The following SND1 variants were observed in gnomAD, a reference collection of about 807,000 sequenced individuals.
The protein encoded by SND1 is staphylococcal nuclease domain-containing protein 1.
In SND1, 38 loss-of-function variants were observed where a neutral mutation model predicts 121.7. The ratio of observed to expected loss-of-function variants is 0.31; its 90% confidence interval spans 0.24 to 0.41. The LOEUF (loss-of-function observed/expected upper bound fraction) is 0.41, where lower values mean the gene tolerates loss of function less well. SND1 is among the 10% of genes least tolerant of loss of function. The probability of loss-of-function intolerance (pLI) is 1.00; values close to 1 mark genes in which losing one functional copy is unlikely to be tolerated. For synonymous variants in SND1, 401 were observed against 447.4 expected (o/e 0.90, Z 1.31); for missense variants, 868 against 1,184.6 (o/e 0.73, Z 3.92).
intron 22 of SND1, among the ~76,000 whole-genome samples, chr7:128,090,518 C>A (rs891901649): frequency 3.3e-5 from 5 of 152,236 alleles, no homozygotes; most frequent in Admixed American, 6.5e-5. Context: ...GGGCCCCCGA[C>A]AGAGCTGCCG....
chr7:127,870,722 A>G (rs1358732645), intron 12 of SND1, among the ~76,000 whole-genome samples: 1 of 152,196 alleles, frequency 6.6e-6, no homozygotes, highest in Admixed American at 6.5e-5. Context: ...TTGATGAAAT[A>G]GGAAGTGAAT....
chr7:127,754,472 G>A (rs1797158808), intron 10 of SND1, among the ~76,000 whole-genome samples: 1 of 152,196 alleles, frequency 6.6e-6, no homozygotes, highest in Non-Finnish European at 1.5e-5. Flanking sequence ...TAATAGGTAG[G>A]CTGTGGTTCT....
intron 16 of SND1, among the ~76,000 whole-genome samples, chr7:128,040,978 C>T (rs1357765906): frequency 6.6e-6 from 1 of 152,316 alleles, no homozygotes; most frequent in South Asian, 2.1e-4. Flanking sequence ...GGCCTAGTAA[C>T]GTGAGTTCCT....
intron 10 of SND1, among the ~76,000 whole-genome samples, chr7:127,781,756 G>C (rs1978495): frequency 6.6e-6 from 1 of 151,888 alleles, no homozygotes; most frequent in Non-Finnish European, 1.5e-5. Context: ...AATAATTAAA[G>C]TAAAAGCAAT....
intron 10 of SND1, among the ~76,000 whole-genome samples, chr7:127,735,086 C>T (rs1321621834): frequency 6.6e-6 from 1 of 152,130 alleles, no homozygotes; most frequent in Non-Finnish European, 1.5e-5. Context: ...AGGTGCTGGG[C>T]ATGCACTATT....
At chr7:127,806,848 A>T (rs1432243225) in intron 10 of SND1, among the ~76,000 whole-genome samples, 1 of 152,162 alleles carries the variant, frequency 6.6e-6, no homozygotes, top group Non-Finnish European at 1.5e-5. Flanking sequence ...AATCCCAGCT[A>T]CTGTGGAGGC....
At chr7:127,667,212 T>C (rs1795433752) in intron 1 of SND1, among the ~76,000 whole-genome samples, 1 of 152,200 alleles carries the variant, frequency 6.6e-6, no homozygotes, top group South Asian at 2.1e-4. Context: ...GATGATTCAC[T>C]CTGAGTAATA....
chr7:128,075,224 G>C (rs1429750332), intron 17 of SND1, among the ~76,000 whole-genome samples: 1 of 152,216 alleles, frequency 6.6e-6, no homozygotes, highest in Non-Finnish European at 1.5e-5. Flanking sequence ...AGTGGCTTTT[G>C]GAAACCAATT....
At chr7:127,990,817 G>A (rs1393882121) in intron 15 of SND1, 130 bp from the exon 16 acceptor site, 11 of 635,752 alleles carry the variant, frequency 1.7e-5, no homozygotes, top group South Asian at 3.9e-5. Context: ...CTCTGTCTTC[G>A]TCTCAGATAG....
chr7:127,658,914 T>C (rs1017524922), intron 1 of SND1, among the ~76,000 whole-genome samples: 4 of 152,236 alleles, frequency 2.6e-5, no homozygotes, highest in Non-Finnish European at 5.9e-5. Flanking sequence ...GTCCACTCAC[T>C]TCTCAGCATA....
intron 16 of SND1, among the ~76,000 whole-genome samples, chr7:128,043,123 T>G (rs532429431): frequency 6.6e-6 from 1 of 152,272 alleles, no homozygotes; most frequent in African/African-American, 2.4e-5. Flanking sequence ...AGGCCACATC[T>G]CTTTGTGAGA....
chr7:127,687,939 C>T (rs1186472565), intron 2 of SND1, among the ~76,000 whole-genome samples: 1 of 149,710 alleles, frequency 6.7e-6, no homozygotes, highest in Non-Finnish European at 1.5e-5. Context: ...CTTTCTGCCT[C>T]GCCCTAAAGT....
At chr7:127,973,405 T>C (rs142167776) in intron 15 of SND1, among the ~76,000 whole-genome samples, 158 of 152,108 alleles carry the variant, frequency 1.0e-3, no homozygotes, top group African/African-American at 3.5e-3. Context: ...GAACAGACCA[T>C]TGTGATGTTC....
At chr7:127,752,425 T>A (rs1030751914) in intron 10 of SND1, among the ~76,000 whole-genome samples, 2 of 152,320 alleles carry the variant, frequency 1.3e-5, no homozygotes, top group Middle Eastern at 3.4e-3. Context: ...ATATGGCCAC[T>A]TTTCTTCGGA....
At chr7:127,792,538 G>T (rs751469018) in intron 10 of SND1, among the ~76,000 whole-genome samples, 2 of 152,150 alleles carry the variant, frequency 1.3e-5, no homozygotes, top group Admixed American at 1.3e-4. Context: ...TAGCATGGAG[G>T]TAATAACTAC....
chr7:127,697,834 C>CCG (rs1796033710), intron 3 of SND1, among the ~76,000 whole-genome samples: 1 of 152,090 alleles, frequency 6.6e-6, no homozygotes, highest in South Asian at 2.1e-4. Context: ...GTGTAGTGTG[C>CCG]CGAATGTAAA....
chr7:127,779,652 A>G (rs1296703428), intron 10 of SND1, among the ~76,000 whole-genome samples: 1 of 152,244 alleles, frequency 6.6e-6, no homozygotes, highest in East Asian at 1.9e-4. Context: ...GTTGGGGGTC[A>G]AAAGTGCTCC....
chr7:127,718,903 G>A (rs780001570), intron 9 of SND1: 4 of 270,268 alleles, frequency 1.5e-5, no homozygotes, highest in Non-Finnish European at 2.3e-5. Context: ...GTTTTGGTTT[G>A]AGAGAAGGTG....
intron 16 of SND1, among the ~76,000 whole-genome samples, chr7:128,006,244 G>A (rs761731795): frequency 2.0e-5 from 3 of 151,698 alleles, no homozygotes; most frequent in South Asian, 2.1e-4. Flanking sequence ...GCGTGCGTGC[G>A]TGTGTGTGTG....
Sources: gnomAD v4.1 joint callset for allele counts (sites outside exome capture counted in the v4.1 genomes callset) on GRCh38, gnomAD v4.1.1 for gene constraint, MANE v1.5 for transcripts, NCBI Gene and HGNC (gene_info 2026-07-23, HGNC 2026-07-21) for gene names.